Variants in PM20D2 observed in about 807,000 individuals in gnomAD.
PM20D2 encodes the protein peptidase M20 domain containing 2, also known as xaa-Arg dipeptidase.
A neutral mutation model predicts 42.9 loss-of-function variants in PM20D2; 33 were observed. That is an observed-to-expected ratio of 0.77 (90% CI 0.58 to 1.03). The LOEUF (loss-of-function observed/expected upper bound fraction) is 1.03. PM20D2 is among the 50% of genes least tolerant of loss of function. PM20D2 has a pLI of 0.00. For missense variants in PM20D2, 548 were observed against 557.0 expected (o/e 0.98, Z 0.16); for synonymous variants, 250 against 228.2 (o/e 1.10, Z -0.86).
chr6:89,135,083 C>G, the PM20D2 span, among the ~76,000 whole-genome samples: 1 of 150,996 alleles, frequency 6.6e-6, no homozygotes, highest in African/African-American at 2.5e-5. Context: ...CACTGGCTTG[C>G]TGAAGGGAAT....
Position 89,155,495 on chromosome 6 carries a change from G to T in PM20D2, c.912+593G>T, listed in dbSNP as rs567712469. Among the ~76,000 whole-genome samples, 8 of 151,782 alleles carry T rather than the reference G, an allele frequency of 5.3e-5. No homozygotes were observed. In the South Asian group the frequency reaches 1.5e-3, roughly 28 times the overall value. On this transcript the variant is annotated intron_variant, in intron 4 of 6. Transcript: ENST00000275072. ...TCTGGAGACAGGGTCTCACCATGTT[G>T]CCCAGGCTGGTCTCAAACTCCTGAG...
rs984500365 is a variant in PM20D2 at position 89,163,669 on chromosome 6, G to T, written c.*1406G>T. 1.3e-5 allele frequency: 2 copies of T among 152,126 alleles called. No homozygotes were observed. Among genetic ancestry groups the T allele is most frequent in the African/African-American group, 2.4e-5 (1 of 41,424 alleles). The allele number at this position is 152,126 out of a possible 1,614,324, so 9.4% of individuals were successfully genotyped here. On this transcript the variant is annotated 3_prime_UTR_variant, in exon 7 of 7. Transcript: ENST00000275072. ...CCTGACCATTTTTTAAAAAGGTTAG[G>T]CTTAGTGCAAAGTTTAAAATTATAT...
chr6:89,111,253 C>A, the PM20D2 span, among the ~76,000 whole-genome samples: 2 of 152,144 alleles, frequency 1.3e-5, no homozygotes. Context: ...GGATTACAGG[C>A]ATGTGCCAGC....
chr6:89,161,703 C>A, intron 5 of PM20D2, 80 bp from the exon 6 acceptor site: 1 of 1,099,290 alleles, frequency 9.1e-7, no homozygotes, highest in Non-Finnish European at 1.4e-6. Context: ...TCTCTTCTAA[C>A]AGGGACTGTG....
chr6:89,100,259 G>A, the PM20D2 span, among the ~76,000 whole-genome samples: 1 of 152,186 alleles, frequency 6.6e-6, no homozygotes, highest in African/African-American at 2.4e-5. Context: ...ACACAGTGCT[G>A]AGAGAGAGAT....
At position 89,153,038 on chromosome 6, in the gene PM20D2, C is replaced by A; in HGVS notation, c.615-5C>A. 6.3e-7 allele frequency: 1 copy of A among 1,581,428 alleles called. No homozygotes were observed. Among genetic ancestry groups the A allele is most frequent in the Non-Finnish European group, 8.6e-7 (1 of 1,164,496 alleles). ...AGTAATTTCAAATGATTTTTTATTT[C>A]CTAGTGTGACTGTGAAATACTATGG... is the stretch of plus-strand genomic sequence containing the variant. On this transcript the variant is annotated splice_region_variant and splice_polypyrimidine_tract_variant and intron_variant, in intron 2 of 6. Coordinates refer to ENST00000275072, the MANE Select transcript of PM20D2 (RefSeq NM_001010853.3).
chr6:89,147,252 C>A (rs1387531505), intron 1 of PM20D2, among the ~76,000 whole-genome samples: 1 of 152,056 alleles, frequency 6.6e-6, no homozygotes, highest in African/African-American at 2.4e-5. Context: ...AGGGAAATGT[C>A]GTTTATGTTT....
the PM20D2 span, among the ~76,000 whole-genome samples, chr6:89,111,770 T>C: frequency 7.2e-5 from 11 of 152,368 alleles, no homozygotes; most frequent in Admixed American, 3.9e-4. Context: ...ATGTTTTTTA[T>C]AGCTGACATT....
chr6:89,095,017 C>G, the PM20D2 span, among the ~76,000 whole-genome samples: 1 of 152,080 alleles, frequency 6.6e-6, no homozygotes, highest in Non-Finnish European at 1.5e-5. Flanking sequence ...AAAACTACAT[C>G]ACCTTTCTTT....
chr6:89,096,513 T>C, the PM20D2 span: 1 of 152,184 alleles, frequency 6.6e-6, no homozygotes. Flanking sequence ...AACCAAATGG[T>C]ATCCTCCTAA....
At chr6:89,121,693 A>G in the PM20D2 span, among the ~76,000 whole-genome samples, 1,068 of 152,324 alleles carry the variant, frequency 7.0e-3, 8 homozygotes, top group African/African-American at 0.024. Flanking sequence ...AGGATTCCCA[A>G]GGAGTATACC....
At chr6:89,151,865 G>A (rs1192056814) in intron 2 of PM20D2, among the ~76,000 whole-genome samples, 2 of 152,024 alleles carry the variant, frequency 1.3e-5, no homozygotes, top group Non-Finnish European at 2.9e-5. Flanking sequence ...AGGCAGGAGA[G>A]TCTCTTGAGC....
At position 89,158,483 on chromosome 6, in the gene PM20D2, A is replaced by G. The variant is rs776262146; in HGVS notation, c.1048+23A>G. 3.1e-6 allele frequency: 5 copies of G among 1,597,064 alleles called. No homozygotes were observed. The East Asian group carries it at 6.7e-5, about 21-fold the overall frequency. ...CAGGTAATTAAGTGTTTTTTTATAT[A>G]TTGAGCTATTTGAGGAAGAGAAATA... On this transcript the variant is annotated intron_variant, in intron 5 of 6. Coordinates refer to ENST00000275072, the MANE Select transcript of PM20D2 (RefSeq NM_001010853.3).
At chr6:89,160,555 G>A (rs939635656) in intron 5 of PM20D2, among the ~76,000 whole-genome samples, 5 of 152,114 alleles carry the variant, frequency 3.3e-5, no homozygotes, top group African/African-American at 1.2e-4. Flanking sequence ...GTGAACATAA[G>A]GCTTTGTTTT....
chr6:89,117,831 G>T, the PM20D2 span: 1 of 1,557,384 alleles, frequency 6.4e-7, no homozygotes, highest in Non-Finnish European at 8.7e-7. Flanking sequence ...ACCTGGTGGC[G>T]TCCGCGACGT....
rs745746680 is a variant in PM20D2 at position 89,165,244 on chromosome 6, C to T, written c.*2981C>T. On this transcript the variant is annotated 3_prime_UTR_variant, in exon 7 of 7. Transcript: ENST00000275072. Reference sequence around the variant, plus strand: ...TTCTAACTTTTTACCTGAGTTATCTCTTTAGTCTTTTGGAAAATACCCTAC... The same window carrying T: ...TTCTAACTTTTTACCTGAGTTATCTTTTTAGTCTTTTGGAAAATACCCTAC... The T allele has an allele frequency of 2.0e-4, 30 of 151,692 alleles. No individual in the cohort carries two copies. Among genetic ancestry groups the T allele is most frequent in the Non-Finnish European group, 3.5e-4 (24 of 67,940 alleles). 9.4% of individuals were successfully genotyped at this position (151,692 alleles called of 1,614,324 possible). A position where few individuals can be genotyped will look rare whatever the true frequency, so the allele number is the denominator to read the frequency against.
the PM20D2 span, chr6:89,105,102 A>G: frequency 4.5e-6 from 7 of 1,554,624 alleles, no homozygotes; most frequent in East Asian, 2.3e-5. Flanking sequence ...TGAAATTTTC[A>G]GTCCTCTTAT....
the PM20D2 span, among the ~76,000 whole-genome samples, chr6:89,125,884 G>A: frequency 8.4e-4 from 128 of 151,922 alleles, no homozygotes; most frequent in Non-Finnish European, 1.6e-3. Flanking sequence ...TCAGGAGTCC[G>A]AGACCAGCCT....
At chr6:89,158,789 A>G (rs9353649) in intron 5 of PM20D2, among the ~76,000 whole-genome samples, 52,038 of 152,130 alleles carry the variant, frequency 0.34, 9,762 homozygotes, top group African/African-American at 0.5. Flanking sequence ...AGTCATCACA[A>G]TAAGCAGGTT....
Sources: gnomAD v4.1 joint callset for allele counts (sites outside exome capture counted in the v4.1 genomes callset) on GRCh38, gnomAD v4.1.1 for gene constraint, MANE v1.5 for transcripts, NCBI Gene and HGNC (gene_info 2026-07-23, HGNC 2026-07-21) for gene names.